The following MLIP variants were observed in gnomAD, a reference collection of about 807,000 sequenced individuals.
The protein encoded by MLIP is muscular LMNA-interacting protein.
A neutral mutation model predicts 84.8 loss-of-function variants in MLIP; 79 were observed. The ratio of observed to expected loss-of-function variants is 0.93; its 90% CI spans 0.78 to 1.12. The LOEUF is 1.12. Among genes scored for constraint, MLIP ranks in the 50% most tolerant of loss-of-function variants. The probability of loss-of-function intolerance (pLI) is 0.00; values close to 1 mark genes in which losing one functional copy is unlikely to be tolerated. For synonymous variants in MLIP, 504 were observed against 463.0 expected (o/e 1.09, Z -1.14); for missense variants, 1,257 against 1,160.6 (o/e 1.08, Z -1.21).
rs762549466 is a variant in MLIP at position 54,136,894 on chromosome 6, T to C, written c.825T>C (p.Ala275=). The C allele has an allele frequency of 6.5e-7, 1 of 1,535,726 alleles. No homozygotes were observed. The highest frequency in any genetic ancestry group is 1.2e-5 in the South Asian group (1 of 84,046). ...GTGGGGCCGTGGTGGAAGAATCAGC[T>C]ACGTATTTTCAAACTACCGCTCACT... The part of the protein sequence containing the change: ...DVGGAVVEES[A]TYFQTTAHST... Residue 275 remains alanine, a synonymous_variant, in exon 4 of 14, where the codon GCT becomes GCC. Coordinates refer to ENST00000502396, the MANE Select transcript of MLIP (RefSeq NM_001281747.2).
intron 12 of MLIP, among the ~76,000 whole-genome samples, chr6:54,231,917 T>A (rs1391973136): frequency 1.3e-5 from 2 of 152,104 alleles, no homozygotes; most frequent in Admixed American, 6.5e-5. Context: ...ACTATAACAC[T>A]GTTATATAAG....
chr6:54,054,487 A>G (rs977982615), intron 1 of MLIP, among the ~76,000 whole-genome samples: 2 of 151,944 alleles, frequency 1.3e-5, no homozygotes, highest in Non-Finnish European at 2.9e-5. Context: ...TATCGGATAT[A>G]GCATCCTGTA....
chr6:54,079,083 A>G (rs1266535135), intron 1 of MLIP, among the ~76,000 whole-genome samples: 2 of 152,266 alleles, frequency 1.3e-5, no homozygotes, highest in African/African-American at 4.8e-5. Context: ...AAGGGACATA[A>G]TTACACTAAA....
In MLIP at chr6:54,145,794, CAAA is replaced by C. The variant is rs796451161; in HGVS notation, c.2218-3253_2218-3251del. ...CTGTCCCCCACCACCCCCTCCCCCA[CAAA>C]AAAAAAAAGAAAAAGAAAGAGAAAA... On this transcript the variant is annotated intron_variant, in intron 4 of 13. Coordinates refer to ENST00000502396, the MANE Select transcript of MLIP (RefSeq NM_001281747.2). Among the ~76,000 whole-genome samples, 144 of 126,790 alleles carry C rather than the reference CAAA, an allele frequency of 1.1e-3. 3 individuals carry two copies. The highest frequency in any genetic ancestry group is 3.9e-3 in the African/African-American group (133 of 34,398). 83.2% of individuals were successfully genotyped at this position (126,790 alleles called of 152,430 possible).
At chr6:54,249,065 A>G (rs965780551) in intron 12 of MLIP, among the ~76,000 whole-genome samples, 6 of 152,160 alleles carry the variant, frequency 3.9e-5, no homozygotes, top group Non-Finnish European at 8.8e-5. Flanking sequence ...CATCCCCATC[A>G]GCATAACTTC....
intron 1 of MLIP, among the ~76,000 whole-genome samples, chr6:54,040,285 G>A (rs1187250514): frequency 6.6e-6 from 1 of 151,614 alleles, no homozygotes; most frequent in Non-Finnish European, 1.5e-5. Flanking sequence ...TAATAAACAA[G>A]GTAATTTCAG....
chr6:54,037,425 C>T (rs1764505832), intron 1 of MLIP, among the ~76,000 whole-genome samples: 1 of 151,192 alleles, frequency 6.6e-6, no homozygotes, highest in Non-Finnish European at 1.5e-5. Context: ...GCTTGTGTGT[C>T]AGTGTGTATG....
chr6:54,057,329 C>A (rs544634359), intron 1 of MLIP, among the ~76,000 whole-genome samples: 1 of 152,196 alleles, frequency 6.6e-6, no homozygotes, highest in African/African-American at 2.4e-5. Context: ...TCAGTAGTTA[C>A]AACTGCATAC....
intron 11 of MLIP, among the ~76,000 whole-genome samples, chr6:54,230,156 T>G (rs1051477663): frequency 6.6e-6 from 1 of 152,192 alleles, no homozygotes; most frequent in Non-Finnish European, 1.5e-5. Context: ...GAAGACCTTA[T>G]TCATTCTTTC....
chr6:54,141,345 C>T (rs1200010633), intron 4 of MLIP, among the ~76,000 whole-genome samples: 4 of 147,926 alleles, frequency 2.7e-5, no homozygotes, highest in African/African-American at 5.1e-5. Flanking sequence ...CCCACTGTGT[C>T]GCCCAGGCTG....
At chr6:54,166,481 G>A (rs1001999870) in intron 8 of MLIP, among the ~76,000 whole-genome samples, 2 of 151,930 alleles carry the variant, frequency 1.3e-5, no homozygotes, top group South Asian at 4.1e-4. Flanking sequence ...TGAGATGACA[G>A]CAACAGAACT....
intron 1 of MLIP, among the ~76,000 whole-genome samples, chr6:54,057,183 G>A (rs9367551): frequency 0.11 from 17,484 of 152,130 alleles, 1,400 homozygotes; most frequent in East Asian, 0.33. Flanking sequence ...CAGCTAGTTG[G>A]CACCAGAGAT....
intron 1 of MLIP, among the ~76,000 whole-genome samples, chr6:54,049,164 G>C (rs997775346): frequency 6.6e-6 from 1 of 152,074 alleles, no homozygotes; most frequent in Non-Finnish European, 1.5e-5. Context: ...ATCCTCTGAG[G>C]ATTTTCAGCA....
chr6:54,155,600 A>C (rs1773939187), intron 5 of MLIP, among the ~76,000 whole-genome samples: 1 of 152,068 alleles, frequency 6.6e-6, no homozygotes, highest in South Asian at 2.1e-4. Context: ...TAAGGGAGCA[A>C]ATTAGACTAA....
intron 5 of MLIP, among the ~76,000 whole-genome samples, chr6:54,158,869 GA>G: frequency 2.2e-5 from 1 of 45,092 alleles, no homozygotes; most frequent in African/African-American, 6.7e-5. Context: ...CAAGAAGTAT[GA>G]TAAAAAAAAA....
chr6:54,253,678 C>A (rs41530746), intron 12 of MLIP, among the ~76,000 whole-genome samples: 9,158 of 151,980 alleles, frequency 0.06, 457 homozygotes, highest in East Asian at 0.2. Flanking sequence ...GTTTATATTA[C>A]CTTGGAAGAG....
chr6:54,193,409 T>A (rs1387257238), intron 10 of MLIP, among the ~76,000 whole-genome samples: 1 of 152,144 alleles, frequency 6.6e-6, no homozygotes. Context: ...CTGTGAATGA[T>A]GAAGAGATAT....
At chr6:54,199,370 T>C (rs1360483058) in intron 10 of MLIP, among the ~76,000 whole-genome samples, 1 of 152,096 alleles carries the variant, frequency 6.6e-6, no homozygotes, top group Non-Finnish European at 1.5e-5. Context: ...TCCCAAAGAA[T>C]TTACAAGAAA....
chr6:54,116,313 A>G (rs561823773), intron 1 of MLIP, among the ~76,000 whole-genome samples: 8 of 152,322 alleles, frequency 5.3e-5, no homozygotes, highest in Non-Finnish European at 1.0e-4. Flanking sequence ...AATTAATTAT[A>G]TCAAGAGTGA....
Sources: allele counts gnomAD v4.1 joint callset (sites outside exome capture counted in the v4.1 genomes callset), GRCh38; gene constraint gnomAD v4.1.1; transcripts MANE v1.5; gene names NCBI Gene and HGNC (gene_info 2026-07-23, HGNC 2026-07-21).